Variants in IL1RAPL1 observed in about 807,000 individuals in gnomAD.
The protein encoded by IL1RAPL1 is interleukin 1 receptor accessory protein like 1.
A neutral mutation model predicts 48.4 loss-of-function variants in IL1RAPL1; 3 were observed. The observed-to-expected ratio is 0.06, with a 90% CI of 0.03 to 0.16. The LOEUF (loss-of-function observed/expected upper bound fraction) is 0.16. IL1RAPL1 is among the 10% of genes least tolerant of loss of function. IL1RAPL1 has a pLI of 1.00. For missense variants in IL1RAPL1, 349 were observed against 530.6 expected (o/e 0.66, Z 3.36); for synonymous variants, 185 against 187.7 (o/e 0.99, Z 0.12).
At chrX:29,778,732 C>G (rs1929266763) in intron 6 of IL1RAPL1, among the ~76,000 whole-genome samples, 1 of 111,966 alleles carries the variant, frequency 8.9e-6, no homozygotes, top group African/African-American at 3.2e-5. Flanking sequence ...CCTTAACTAC[C>G]AACAGCAAAG....
intron 2 of IL1RAPL1, among the ~76,000 whole-genome samples, chrX:28,798,165 G>A (rs754976410): frequency 9.0e-6 from 1 of 110,991 alleles, no homozygotes; most frequent in African/African-American, 3.3e-5. Flanking sequence ...ATTTGGGTGG[G>A]GACACAGCCA....
intron 3 of IL1RAPL1, among the ~76,000 whole-genome samples, chrX:29,306,077 T>G (rs755171398): frequency 9.0e-6 from 1 of 111,396 alleles, no homozygotes; most frequent in Non-Finnish European, 1.9e-5. Context: ...GGCAATAGAA[T>G]CCATATACTT....
intron 6 of IL1RAPL1, among the ~76,000 whole-genome samples, chrX:29,778,389 A>G (rs1404063068): frequency 9.0e-6 from 1 of 111,394 alleles, no homozygotes; most frequent in Non-Finnish European, 1.9e-5. Context: ...CTATAAACCT[A>G]TTTCTACCTG....
At chrX:29,853,617 A>AATT (rs748033122) in intron 6 of IL1RAPL1, among the ~76,000 whole-genome samples, 3 of 112,081 alleles carry the variant, frequency 2.7e-5, no homozygotes, top group Non-Finnish European at 5.6e-5. Flanking sequence ...ATTAAAAGTT[A>AATT]ATTATTAAGG....
At position 29,413,601 on chromosome X, in the gene IL1RAPL1, G is replaced by A. The variant is rs780520232; in HGVS notation, c.703+14293G>A. ...TTCCCACCTATGAGTGAGAACATGC[G>A]GTGTTTGGTTTTTTGTCCTTGTGAT... On this transcript the variant is annotated intron_variant, in intron 5 of 10. Transcript: ENST00000378993. Among the ~76,000 whole-genome samples, 13 of 104,905 alleles carry A rather than the reference G, an allele frequency of 1.2e-4. No individual in the cohort carries two copies. The East Asian group carries it at 1.8e-3, about 14-fold the overall frequency. 91.1% of individuals were successfully genotyped at this position (104,905 alleles called of 115,157 possible). A position where few individuals can be genotyped will look rare whatever the true frequency, so the allele number is the denominator to read the frequency against.
intron 2 of IL1RAPL1, among the ~76,000 whole-genome samples, chrX:29,237,377 C>T (rs142621100): frequency 1.8e-5 from 2 of 112,082 alleles, no homozygotes; most frequent in East Asian, 2.8e-4. Flanking sequence ...TAGTTAGTGC[C>T]CTTAGCTATG....
chrX:29,500,299 T>A (rs149587012), intron 5 of IL1RAPL1, among the ~76,000 whole-genome samples: 2,263 of 112,290 alleles, frequency 0.02, 60 homozygotes, highest in African/African-American at 0.069. Context: ...TCTTTTGTAG[T>A]TATTTTGAAA....
intron 2 of IL1RAPL1, among the ~76,000 whole-genome samples, chrX:29,173,935 T>C (rs1415435871): frequency 9.0e-6 from 1 of 110,554 alleles, no homozygotes; most frequent in Non-Finnish European, 1.9e-5. Flanking sequence ...CTTTTTTTTT[T>C]TTGAGACGGA....
At chrX:29,481,939 T>A (rs1935046053) in intron 5 of IL1RAPL1, among the ~76,000 whole-genome samples, 1 of 111,883 alleles carries the variant, frequency 8.9e-6, no homozygotes, top group South Asian at 3.8e-4. Flanking sequence ...CAGGAACAAT[T>A]AAATGAAGAG....
chrX:28,855,181 G>T (rs1921772892), intron 2 of IL1RAPL1, among the ~76,000 whole-genome samples: 1 of 110,844 alleles, frequency 9.0e-6, no homozygotes, highest in African/African-American at 3.3e-5. Context: ...CACCATGCCT[G>T]GCTGATTTTT....
At chrX:28,870,691 T>C (rs748303018) in intron 2 of IL1RAPL1, among the ~76,000 whole-genome samples, 1 of 111,561 alleles carries the variant, frequency 9.0e-6, no homozygotes, top group Non-Finnish European at 1.9e-5. Context: ...AATGCCCTTG[T>C]CTGCTTGCCA....
chrX:29,792,821 G>A (rs1260657203), intron 6 of IL1RAPL1, among the ~76,000 whole-genome samples: 2 of 111,041 alleles, frequency 1.8e-5, no homozygotes, highest in African/African-American at 6.5e-5. Context: ...CTAGATCAGT[G>A]ATTCTATACT....
intron 2 of IL1RAPL1, among the ~76,000 whole-genome samples, chrX:29,251,626 A>G (rs1362888178): frequency 9.0e-6 from 1 of 111,098 alleles, no homozygotes; most frequent in African/African-American, 3.3e-5. Context: ...GTGAAGGGGC[A>G]AGACATGTAG....
At chrX:29,714,530 A>G (rs1927432291) in intron 6 of IL1RAPL1, among the ~76,000 whole-genome samples, 1 of 112,173 alleles carries the variant, frequency 8.9e-6, no homozygotes, top group Admixed American at 9.5e-5. Context: ...GTTTGTGTTA[A>G]CTCTCAGCTC....
At chrX:29,331,202 G>A (rs1932882977) in intron 3 of IL1RAPL1, among the ~76,000 whole-genome samples, 1 of 111,357 alleles carries the variant, frequency 9.0e-6, no homozygotes, top group Non-Finnish European at 1.9e-5. Flanking sequence ...GATGAGACAG[G>A]CATAAAATGG....
rs886865430 is a variant in IL1RAPL1, at chrX:29,101,707, G to A, written c.83-181231G>A. ...TCCCAGCACTTTGGGAGGCCGAGAC[G>A]GGAGGATCACTTGAGGTCAGGAGTT... On this transcript the variant is annotated intron_variant, in intron 2 of 10. Coordinates refer to ENST00000378993, the MANE Select transcript of IL1RAPL1 (RefSeq NM_014271.4). Among the ~76,000 whole-genome samples, 6 of 111,573 alleles carry A rather than the reference G, an allele frequency of 5.4e-5. No individual in the cohort carries two copies. In the South Asian group the frequency reaches 1.9e-3, roughly 35 times the overall value.
At chrX:29,945,437 T>A (rs1933197939) in intron 9 of IL1RAPL1, among the ~76,000 whole-genome samples, 1 of 110,739 alleles carries the variant, frequency 9.0e-6, no homozygotes, top group Non-Finnish European at 1.9e-5. Context: ...CTATCATATT[T>A]ACCTTCCCTG....
chrX:28,780,363 G>GTGTGTGTGTC (rs56989010), intron 1 of IL1RAPL1, among the ~76,000 whole-genome samples: 3,173 of 91,142 alleles, frequency 0.035, 76 homozygotes, highest in African/African-American at 0.056. Context: ...GTGTGTGTGT[G>GTGTGTGTGTC]TGTCTGTCTG....
At chrX:28,817,025 G>A (rs1235742040) in intron 2 of IL1RAPL1, among the ~76,000 whole-genome samples, 3 of 110,137 alleles carry the variant, frequency 2.7e-5, no homozygotes, top group Non-Finnish European at 5.7e-5. Flanking sequence ...TAACAATAAT[G>A]TAATTATGAA....
Sources: allele counts gnomAD v4.1 joint callset (sites outside exome capture counted in the v4.1 genomes callset), GRCh38; gene constraint gnomAD v4.1.1; transcripts MANE v1.5; gene names NCBI Gene and HGNC (gene_info 2026-07-23, HGNC 2026-07-21).